Variants in ATOH8 observed in about 807,000 individuals in gnomAD.
ATOH8 encodes the protein atonal bHLH transcription factor 8.
In ATOH8, 9 loss-of-function variants were observed where a neutral mutation model predicts 21.2. That is an observed-to-expected ratio of 0.42 (90% CI 0.26 to 0.74). The LOEUF (loss-of-function observed/expected upper bound fraction) is 0.74, where lower values mean the gene tolerates loss of function less well. ATOH8 is among the 30% of genes least tolerant of loss of function. ATOH8 has a pLI of 0.24. For synonymous variants in ATOH8, 253 were observed against 224.0 expected (o/e 1.13, Z -1.16); for missense variants, 524 against 470.9 (o/e 1.11, Z -1.04).
intron 2 of ATOH8, chr2:85,775,076 A>G: frequency 1.0e-6 from 1 of 960,994 alleles, no homozygotes; most frequent in Non-Finnish European, 1.2e-6. Context: ...TATGTGATAT[A>G]TTAGATTTCA....
intron 2 of ATOH8, among the ~76,000 whole-genome samples, chr2:85,769,608 G>A (rs1680123830): frequency 6.6e-6 from 1 of 152,238 alleles, no homozygotes; most frequent in Non-Finnish European, 1.5e-5. Flanking sequence ...CGTCTTGGGT[G>A]CAGACCCCGT....
At chr2:85,769,284 C>G (rs1386326910) in intron 2 of ATOH8, among the ~76,000 whole-genome samples, 1 of 152,246 alleles carries the variant, frequency 6.6e-6, no homozygotes. Flanking sequence ...AGTTCCTGCC[C>G]TCAAGTTGCT....
At position 85,790,778 on chromosome 2, in the gene ATOH8, G is replaced by A. The variant is rs1680748880; in HGVS notation, c.*3888G>A. Among the ~76,000 whole-genome samples, 1 of 152,198 alleles carries A rather than the reference G, an allele frequency of 6.6e-6. No homozygotes were observed. The highest frequency in any genetic ancestry group is 2.1e-4 in the South Asian group (1 of 4,826). On this transcript the variant is annotated 3_prime_UTR_variant, in exon 3 of 3. Coordinates refer to ENST00000306279, the MANE Select transcript of ATOH8 (RefSeq NM_032827.7). ...GGTGAGCCTGGACGGAGGCATAGGTGCAGCTAATTAGGATAAGACAGGGGC... is the reference window on the plus strand; with the variant it reads ...GGTGAGCCTGGACGGAGGCATAGGTACAGCTAATTAGGATAAGACAGGGGC...
intron 2 of ATOH8, among the ~76,000 whole-genome samples, chr2:85,777,675 C>T (rs1208566803): frequency 3.3e-5 from 5 of 152,198 alleles, no homozygotes; most frequent in Admixed American, 6.5e-5. Flanking sequence ...AAACATGTGG[C>T]TTCCTTTCTC....
intron 2 of ATOH8, among the ~76,000 whole-genome samples, chr2:85,769,376 G>T (rs541664562): frequency 6.6e-6 from 1 of 152,330 alleles, no homozygotes; most frequent in East Asian, 1.9e-4. Context: ...TAGCCAGCAA[G>T]CTAGACCCCC....
intron 2 of ATOH8, among the ~76,000 whole-genome samples, chr2:85,775,831 C>CCTG (rs1246568363): frequency 6.6e-6 from 1 of 152,126 alleles, no homozygotes; most frequent in Non-Finnish European, 1.5e-5. Context: ...GAGGGTTGAC[C>CCTG]CTGATTTGTG....
chr2:85,782,445 A>G (rs925597915), intron 2 of ATOH8, among the ~76,000 whole-genome samples: 1 of 137,614 alleles, frequency 7.3e-6, no homozygotes, highest in Non-Finnish European at 1.5e-5. Flanking sequence ...CAGGATAGGA[A>G]AACAATTAGA....
intron 2 of ATOH8, chr2:85,773,887 G>A (rs1419211692): frequency 6.3e-6 from 1 of 158,428 alleles, no homozygotes; most frequent in Non-Finnish European, 1.4e-5. Flanking sequence ...CTCACCATCT[G>A]AAGGGCTCAG....
At chr2:85,783,706 G>A (rs1005492426) in intron 2 of ATOH8, 8 of 152,212 alleles carry the variant, frequency 5.3e-5, no homozygotes, top group South Asian at 2.1e-4. Flanking sequence ...CCAGTGCTGC[G>A]GGGAATGTAA....
chr2:85,755,334 C>T (rs554156147), intron 1 of ATOH8, among the ~76,000 whole-genome samples: 1 of 152,222 alleles, frequency 6.6e-6, no homozygotes, highest in South Asian at 2.1e-4. Context: ...AAGGGGGGAG[C>T]CTTCTCCAGT....
chr2:85,778,452 C>A (rs1040019629), intron 2 of ATOH8, among the ~76,000 whole-genome samples: 1 of 152,184 alleles, frequency 6.6e-6, no homozygotes, highest in African/African-American at 2.4e-5. Context: ...AGGTGTTCCT[C>A]ATCTTAAAAC....
chr2:85,782,733 A>G (rs1680528456), intron 2 of ATOH8, among the ~76,000 whole-genome samples: 1 of 152,154 alleles, frequency 6.6e-6, no homozygotes, highest in Non-Finnish European at 1.5e-5. Flanking sequence ...TCTCCCTCTG[A>G]CACCCAGGTT....
Position 85,785,530 on chromosome 2 carries a change from C to T in ATOH8, c.961-1355C>T, listed in dbSNP as rs1680602877. Among the ~76,000 whole-genome samples the T allele has an allele frequency of 6.6e-6, 1 of 152,244 alleles. No individual in the cohort carries two copies. Among genetic ancestry groups the T allele is most frequent in the Non-Finnish European group, 1.5e-5 (1 of 68,034 alleles). On this transcript the variant is annotated intron_variant, in intron 2 of 2. Transcript: ENST00000306279. This position sits in a 1 kb window ranked among gnomAD's most constrained non-coding sequence, Gnocchi z 4.1. ...GACCCCACTTCAGCCTTGCCCCAGA[C>T]TTGCGTCTTGGCTGGCTGCCCCGGC... is the stretch of plus-strand genomic sequence containing the variant.
In ATOH8 at chr2:85,754,065, G is replaced by C; in HGVS notation, c.-125G>C. ...AGCCGGCGGCGCAGCTGCCCGGGGC[G>C]AGGGGGAGAAAGGGAGAGAGGGAGG... On this transcript the variant is annotated 5_prime_UTR_variant, in exon 1 of 3. Transcript: ENST00000306279. 3 of 1,207,740 alleles carry C rather than the reference G, an allele frequency of 2.5e-6. No individual in the cohort carries two copies. Among genetic ancestry groups the C allele is most frequent in the Non-Finnish European group, 3.2e-6 (3 of 924,018 alleles). The allele number at this position is 1,207,740 out of a possible 1,614,324, so 74.8% of individuals were successfully genotyped here.
intron 1 of ATOH8, among the ~76,000 whole-genome samples, chr2:85,761,436 G>T (rs1679869465): frequency 6.6e-6 from 1 of 152,182 alleles, no homozygotes; most frequent in Non-Finnish European, 1.5e-5. Context: ...AGGGCAAGGT[G>T]ACATATCTAG....
In ATOH8 at chr2:85,766,922, C is replaced by G. The variant is rs1680032355; in HGVS notation, c.960+2740C>G. 6.6e-6 allele frequency among the ~76,000 whole-genome samples: 1 copy of G among 152,176 alleles called. No individual in the cohort carries two copies. Among genetic ancestry groups the G allele is most frequent in the African/African-American group, 2.4e-5 (1 of 41,442 alleles). On this transcript the variant is annotated intron_variant, in intron 2 of 2. Coordinates refer to ENST00000306279, the MANE Select transcript of ATOH8 (RefSeq NM_032827.7). This position sits in a 1 kb window ranked among gnomAD's most constrained non-coding sequence, Gnocchi z 4.0. ...TGAAGCCCAGCATAGCTGGCCTTAGCTGGTCCCCTCGGCAGATGTCCTGCC... is the reference window on the plus strand; with the variant it reads ...TGAAGCCCAGCATAGCTGGCCTTAGGTGGTCCCCTCGGCAGATGTCCTGCC...
intron 1 of ATOH8, among the ~76,000 whole-genome samples, 158 bp from the exon 2 acceptor site, chr2:85,763,821 CGTGTGTGTGTGT>C (rs61491730): frequency 3.5e-5 from 5 of 143,768 alleles, no homozygotes; most frequent in African/African-American, 1.0e-4. Context: ...GATGAGCTGA[CGTGTGTGTGTGT>C]GTGTGTGTGT....
At chr2:85,767,061 C>T (rs1427440934) in intron 2 of ATOH8, among the ~76,000 whole-genome samples, 2 of 152,108 alleles carry the variant, frequency 1.3e-5, no homozygotes, top group African/African-American at 4.8e-5. Flanking sequence ...CTTGAGATGG[C>T]ATTGAATGAG....
In ATOH8 at chr2:85,780,403, C is replaced by G. The variant is rs188603692; in HGVS notation, c.961-6482C>G. ...TTCTTCTGCACGGCCTTGACTGACT[C>G]CGAGGTTTGCAAACATCCACTGGCT... On this transcript the variant is annotated intron_variant, in intron 2 of 2. Coordinates refer to ENST00000306279, the MANE Select transcript of ATOH8 (RefSeq NM_032827.7). 4 of 152,412 alleles carry G rather than the reference C, an allele frequency of 2.6e-5. No homozygotes were observed. The East Asian group carries it at 7.7e-4, about 29-fold the overall frequency. The allele number at this position is 152,412 out of a possible 1,614,324, so 9.4% of individuals were successfully genotyped here.
Sources: allele counts gnomAD v4.1 joint callset (sites outside exome capture counted in the v4.1 genomes callset), GRCh38; gene constraint gnomAD v4.1.1; non-coding constraint Gnocchi (gnomAD v3.1); transcripts MANE v1.5; gene names NCBI Gene and HGNC (gene_info 2026-07-23, HGNC 2026-07-21).